CASS4: variants seen among roughly 807,000 people sequenced by gnomAD.
CASS4 encodes the protein cas scaffolding protein family member 4.
Under a neutral mutation model 54.2 loss-of-function variants are expected in CASS4, and 22 were observed. The ratio of observed to expected loss-of-function variants is 0.41; its 90% CI spans 0.29 to 0.58. The LOEUF is 0.58. Ranked by LOEUF, CASS4 falls within the 20% of genes least tolerant of loss-of-function variation. The pLI is 0.36. For synonymous variants in CASS4, 409 were observed against 391.5 expected, an observed-to-expected ratio of 1.04 and a Z score of -0.53; for missense variants, 854 against 986.7, an observed-to-expected ratio of 0.87 and a Z score of 1.80.
intron 1 of CASS4, among the ~76,000 whole-genome samples, chr20:56,436,497 C>CA (rs1980175041): frequency 6.6e-6 from 1 of 151,672 alleles, no homozygotes; most frequent in Non-Finnish European, 1.5e-5. Context: ...ACAATAACCC[C>CA]ATGAGGTAGG....
rs62209456 is a variant in CASS4 at position 56,443,995 on chromosome 20, C to T, written c.460-1905C>T. Among the ~76,000 whole-genome samples the T allele has an allele frequency of 1.9e-4, 29 of 152,254 alleles. No homozygotes were observed. In the East Asian group the frequency reaches 5.2e-3, roughly 27 times the overall value. On this transcript the variant is annotated intron_variant, in intron 2 of 5. Transcript: ENST00000679887. ...GAGTAAGAAAGCAGTCGTCACTCAA[C>T]GAAGGGGGCTGTTTTGACATGTGAC...
chr20:56,447,436 G>T (rs1359270311), intron 3 of CASS4, among the ~76,000 whole-genome samples: 1 of 152,152 alleles, frequency 6.6e-6, no homozygotes, highest in Non-Finnish European at 1.5e-5. Context: ...TCACTCACTG[G>T]GTGGTCTCAG....
rs1980067854 is a variant in CASS4, at chr20:56,434,610, T to C, written c.37-2554T>C. Among the ~76,000 whole-genome samples the C allele has an allele frequency of 3.3e-5, 5 of 151,916 alleles. No individual in the cohort carries two copies. The South Asian group carries it at 1.0e-3, about 32-fold the overall frequency. ...CGCCACCACTCCCAGCTAATTTTTT[T>C]TTTTTTTTGTATTTTTAGTAGAGAT... On this transcript the variant is annotated intron_variant, in intron 1 of 5. Transcript: ENST00000679887.
intron 1 of CASS4, among the ~76,000 whole-genome samples, chr20:56,417,447 C>G (rs775714539): frequency 2.6e-4 from 40 of 152,124 alleles, no homozygotes; most frequent in Non-Finnish European, 5.4e-4. Flanking sequence ...AATCACTTCC[C>G]CCCTACACAG....
At position 56,459,950 on chromosome 20, in the gene CASS4, G is replaced by C. The variant is rs1384775369; in HGVS notation, c.*1203G>C. On this transcript the variant is annotated 3_prime_UTR_variant, in exon 6 of 6. Transcript: ENST00000679887. Reference sequence around the variant, plus strand: ...TACATACACAGTATAGCAGGTGCCAGGAAAAACGTAAGTAGGGGAAGTGCA... The same window carrying C: ...TACATACACAGTATAGCAGGTGCCACGAAAAACGTAAGTAGGGGAAGTGCA... 2.6e-5 allele frequency: 4 copies of C among 152,022 alleles called. No individual in the cohort carries two copies. Among genetic ancestry groups the C allele is most frequent in the African/African-American group, 9.7e-5 (4 of 41,380 alleles). The allele number at this position is 152,022 out of a possible 1,614,324, so 9.4% of individuals were successfully genotyped here. A position where few individuals can be genotyped will look rare whatever the true frequency, so the allele number is the denominator to read the frequency against.
At chr20:56,450,025 A>G (rs1980916769) in intron 3 of CASS4, among the ~76,000 whole-genome samples, 1 of 147,524 alleles carries the variant, frequency 6.8e-6, no homozygotes, top group Non-Finnish European at 1.5e-5. Context: ...CCTTTGGTTG[A>G]GAGGTCTTTT....
At chr20:56,444,338 A>G (rs1379645591) in intron 2 of CASS4, among the ~76,000 whole-genome samples, 1 of 152,124 alleles carries the variant, frequency 6.6e-6, no homozygotes, top group African/African-American at 2.4e-5. Flanking sequence ...CAACTTGGAA[A>G]GCCCCCTACT....
chr20:56,417,432 GT>G (rs1979191636), intron 1 of CASS4, among the ~76,000 whole-genome samples: 1 of 152,130 alleles, frequency 6.6e-6, no homozygotes, highest in African/African-American at 2.4e-5. Flanking sequence ...GGACCACGCT[GT>G]GCAAATCACT....
In CASS4 at chr20:56,451,759, C is replaced by T. The variant is rs577521413; in HGVS notation, c.643-60C>T. 63 of 1,259,740 alleles carry T rather than the reference C, an allele frequency of 5.0e-5. 1 individual carries two copies. The South Asian group carries it at 5.8e-4, about 12-fold the overall frequency. 78.0% of individuals were successfully genotyped at this position (1,259,740 alleles called of 1,614,324 possible). A position where few individuals can be genotyped will look rare whatever the true frequency, so the allele number is the denominator to read the frequency against. On this transcript the variant is annotated intron_variant, in intron 4 of 5. Transcript: ENST00000679887. ...CGGAGTGACGATGAGATTTAAACAA[C>T]GCACTCGCGCCCTCTTTGGAAAGCT...
At chr20:56,444,982 T>C (rs946358478) in intron 2 of CASS4, among the ~76,000 whole-genome samples, 3 of 152,100 alleles carry the variant, frequency 2.0e-5, no homozygotes, top group Non-Finnish European at 2.9e-5. Flanking sequence ...TGGAGGCATG[T>C]GCCTGTAGTC....
At chr20:56,433,236 C>G (rs748505510) in intron 1 of CASS4, among the ~76,000 whole-genome samples, 106 of 152,166 alleles carry the variant, frequency 7.0e-4, no homozygotes, top group Non-Finnish European at 1.3e-3. Context: ...AAGAGGGTGT[C>G]AGGGACCCTT....
intron 1 of CASS4, among the ~76,000 whole-genome samples, chr20:56,425,855 C>T (rs780576064): frequency 2.0e-5 from 3 of 152,214 alleles, no homozygotes; most frequent in Non-Finnish European, 2.9e-5. Context: ...AAGGGACCCT[C>T]AGTGAGTGAC....
At chr20:56,422,235 G>A (rs564855965) in intron 1 of CASS4, among the ~76,000 whole-genome samples, 5 of 152,308 alleles carry the variant, frequency 3.3e-5, no homozygotes, top group East Asian at 3.9e-4. Flanking sequence ...AACACACTAC[G>A]ATCTCTGGAG....
In CASS4 at chr20:56,458,794, C is replaced by G; in HGVS notation, c.*47C>G. 1.3e-6 allele frequency: 2 copies of G among 1,506,876 alleles called. No homozygotes were observed. Among genetic ancestry groups the G allele is most frequent in the Non-Finnish European group, 1.8e-6 (2 of 1,118,046 alleles). 93.3% of individuals were successfully genotyped at this position (1,506,876 alleles called of 1,614,324 possible). Reference sequence around the variant, plus strand: ...CCTCTGCTCACCTCTCAGCTTCACACCCACAACTTGTGCAACTCTGCCCTA... The same window carrying G: ...CCTCTGCTCACCTCTCAGCTTCACAGCCACAACTTGTGCAACTCTGCCCTA... On this transcript the variant is annotated 3_prime_UTR_variant, in exon 6 of 6. Transcript: ENST00000679887.
chr20:56,412,524 T>C lies in CASS4; in HGVS notation c.36+30T>C. The C allele has an allele frequency of 6.2e-7, 1 of 1,607,828 alleles. No homozygotes were observed. Among genetic ancestry groups the C allele is most frequent in the Non-Finnish European group, 8.5e-7 (1 of 1,176,668 alleles). ...GTGATGTGGGGCTGTTTGAATGGGC[T>C]CTGGCGGGGAGCAAGCTGTGATGAT... On this transcript the variant is annotated intron_variant, in intron 1 of 5. Coordinates refer to ENST00000679887, the MANE Select transcript of CASS4 (RefSeq NM_020356.4). This position sits in a 1 kb window ranked among gnomAD's most constrained non-coding sequence, Gnocchi z 4.2.
Position 56,442,850 on chromosome 20 carries a change from C to T in CASS4, c.460-3050C>T, listed in dbSNP as rs1017467075. 1.1e-4 allele frequency among the ~76,000 whole-genome samples: 17 copies of T among 151,896 alleles called. 1 individual carries two copies. Among genetic ancestry groups the T allele is most frequent in the African/African-American group, 3.9e-4 (16 of 41,178 alleles). On this transcript the variant is annotated intron_variant, in intron 2 of 5. Coordinates refer to ENST00000679887, the MANE Select transcript of CASS4 (RefSeq NM_020356.4). ...GAAACTGTGTTTCTCAAACATGTTC[C>T]TTAACTGATTGCCATACTGGGCCTA...
Position 56,452,017 on chromosome 20 carries a change from A to G in CASS4, c.841A>G (p.Asn281Asp), listed in dbSNP as rs1035946876. 6.2e-7 allele frequency: 1 copy of G among 1,614,168 alleles called. No individual in the cohort carries two copies. Among genetic ancestry groups the G allele is most frequent in the Non-Finnish European group, 8.5e-7 (1 of 1,180,034 alleles). The change falls in exon 5 of 6, where the codon AAT becomes GAT. Residue 281 changes from asparagine (N) to aspartate (D), a missense_variant. Coordinates refer to ENST00000679887, the MANE Select transcript of CASS4 (RefSeq NM_020356.4). ...ALPSSSSTFY[N>D]PPSGRSRSLT... Reference sequence around the variant, plus strand: ...CCCCAGTTCCAGCTCCACTTTCTACAATCCTCCAAGTGGCAGATCCAGGTC... The same window carrying G: ...CCCCAGTTCCAGCTCCACTTTCTACGATCCTCCAAGTGGCAGATCCAGGTC...
chr20:56,413,854 A>G (rs1289816858), intron 1 of CASS4, among the ~76,000 whole-genome samples: 2 of 152,180 alleles, frequency 1.3e-5, no homozygotes, highest in Non-Finnish European at 2.9e-5. Context: ...GGGGTTATTC[A>G]GTAAATCCCT....
chr20:56,451,774 T>C (rs1326667696), intron 4 of CASS4, 45 bp from the exon 5 acceptor site: 1 of 1,476,548 alleles, frequency 6.8e-7, no homozygotes, highest in Non-Finnish European at 9.3e-7. Flanking sequence ...TCGCGCCCTC[T>C]TTGGAAAGCT....
Sources: allele counts gnomAD v4.1 joint callset (sites outside exome capture counted in the v4.1 genomes callset), GRCh38; gene constraint gnomAD v4.1.1; non-coding constraint Gnocchi (gnomAD v3.1); transcripts MANE v1.5; gene names NCBI Gene and HGNC (gene_info 2026-07-23, HGNC 2026-07-21).